The following CSF2RA variants were observed in gnomAD, a reference collection of about 807,000 sequenced individuals.
CSF2RA encodes the protein granulocyte-macrophage colony-stimulating factor receptor subunit alpha.
A neutral mutation model predicts 51.6 loss-of-function variants in CSF2RA; 42 were observed. The ratio of observed to expected loss-of-function variants is 0.81; its 90% CI spans 0.64 to 1.05. The LOEUF is 1.05. Ranked by LOEUF, CSF2RA falls within the 50% of genes least tolerant of loss-of-function variation. CSF2RA has a pLI of 0.00. For synonymous variants in CSF2RA, 222 were observed against 193.0 expected, an observed-to-expected ratio of 1.15 and a Z score of -1.24; for missense variants, 530 against 501.1, an observed-to-expected ratio of 1.06 and a Z score of -0.55.
the CSF2RA span, among the ~76,000 whole-genome samples, chrX:1,324,987 C>G: frequency 5.9e-5 from 9 of 152,002 alleles, no homozygotes; most frequent in Non-Finnish European, 7.4e-5. Context: ...TGTCTGTGCC[C>G]CAAACTGGCC....
At chrX:1,323,536 G>C in the CSF2RA span, among the ~76,000 whole-genome samples, 1 of 152,066 alleles carries the variant, frequency 6.6e-6, no homozygotes, top group Admixed American at 6.6e-5. Flanking sequence ...GCAGCTCTCA[G>C]GTGGTGCTAG....
intron 7 of CSF2RA, among the ~76,000 whole-genome samples, chrX:1,290,851 ACT>A (rs1329775989): frequency 1.3e-5 from 2 of 152,038 alleles, no homozygotes; most frequent in African/African-American, 2.4e-5. Context: ...ACAGAGCAAG[ACT>A]CTGTCTCAAA....
At chrX:1,308,965 T>G (rs28627726) in intron 12 of CSF2RA, among the ~76,000 whole-genome samples, 1 of 152,094 alleles carries the variant, frequency 6.6e-6, no homozygotes, top group African/African-American at 2.4e-5. Context: ...CAGTGGCTCA[T>G]GCCTGTCATC....
At chrX:1,314,449 A>ACCCCAC (rs2084377638), downstream of CSF2RA, among the ~76,000 whole-genome samples, 1 of 146,908 alleles carries the variant, frequency 6.8e-6, no homozygotes, top group Non-Finnish European at 1.5e-5. Flanking sequence ...CACTTGCCCA[A>ACCCCAC]TTGCACTGCA....
chrX:1,296,132 CCT>C (rs1299847278), intron 9 of CSF2RA, among the ~76,000 whole-genome samples: 2 of 151,508 alleles, frequency 1.3e-5, no homozygotes, highest in Admixed American at 1.3e-4. Flanking sequence ...CCTACAGTCC[CCT>C]ACCCATGACC....
At chrX:1,305,971 A>C in intron 12 of CSF2RA, 1 of 603,342 alleles carries the variant, frequency 1.7e-6, no homozygotes, top group Non-Finnish European at 2.9e-6. Flanking sequence ...AATCCCAGTG[A>C]CTCGGGAGGC....
At chrX:1,314,242 CCCACT>C (rs1569514668), downstream of CSF2RA, among the ~76,000 whole-genome samples, 79 of 109,180 alleles carry the variant, frequency 7.2e-4, 4 homozygotes, top group South Asian at 8.5e-3. Flanking sequence ...CCTGCCCAAC[CCCACT>C]GCACCTGCCC....
At chrX:1,325,173 AC>A in the CSF2RA span, among the ~76,000 whole-genome samples, 2 of 150,098 alleles carry the variant, frequency 1.3e-5, no homozygotes, top group South Asian at 4.2e-4. Flanking sequence ...AGCCTGGCCA[AC>A]GTGTTGAAAC....
Position 1,309,791 on chromosome X carries a change from G to C in CSF2RA, c.*312G>C. On this transcript the variant is annotated 3_prime_UTR_variant, in exon 13 of 13. Transcript: ENST00000381529. ...TCATCCCAGCTACTTGGGAGGCTGAGGCAGGAGAATTGCTTGAACCCGTGA... is the reference window on the plus strand; with the variant it reads ...TCATCCCAGCTACTTGGGAGGCTGACGCAGGAGAATTGCTTGAACCCGTGA... 1 of 630,138 alleles carries C rather than the reference G, an allele frequency of 1.6e-6. No homozygotes were observed. The highest frequency in any genetic ancestry group is 2.8e-6 in the Non-Finnish European group (1 of 354,254). The allele number at this position is 630,138 out of a possible 1,614,324, so 39.0% of individuals were successfully genotyped here.
intron 6 of CSF2RA, 81 bp downstream of exon 6, chrX:1,288,969 T>G: frequency 1.9e-6 from 3 of 1,588,890 alleles, no homozygotes; most frequent in Non-Finnish European, 2.6e-6. Context: ...TTTTTTCCTT[T>G]TTCTTTTTTT....
Position 1,283,151 on chromosome X carries a change from CTTCG to C in CSF2RA, c.76+376_76+379del, listed in dbSNP as rs1194485770. On this transcript the variant is annotated intron_variant, in intron 3 of 12. Transcript: ENST00000381529. ...CCTTCCTTCCTTCCTTCCTTCCTTC[CTTCG>C]TTCCTTCCTTCGTTCCTTCCTTCCT... Among the ~76,000 whole-genome samples, 482 of 75,020 alleles carry C rather than the reference CTTCG, an allele frequency of 6.4e-3. 2 individuals carry two copies. Among genetic ancestry groups the C allele is most frequent in the African/African-American group, 0.018 (460 of 25,398 alleles). The allele number at this position is 75,020 out of a possible 152,430, so 49.2% of individuals were successfully genotyped here. A position where few individuals can be genotyped will look rare whatever the true frequency, so the allele number is the denominator to read the frequency against.
At chrX:1,318,883 C>A in the CSF2RA span, among the ~76,000 whole-genome samples, 2 of 147,090 alleles carry the variant, frequency 1.4e-5, no homozygotes, top group Non-Finnish European at 3.0e-5. Context: ...TGCCACTGCA[C>A]TCCAGCCTGG....
intron 9 of CSF2RA, among the ~76,000 whole-genome samples, chrX:1,298,588 TGGTGG>T (rs1221780500): frequency 3.0e-5 from 2 of 66,282 alleles, no homozygotes; most frequent in Admixed American, 1.9e-4. Context: ...CCATGACCTC[TGGTGG>T]AACCCTACAG....
the CSF2RA span, among the ~76,000 whole-genome samples, chrX:1,320,783 T>C: frequency 4.0e-5 from 6 of 151,644 alleles, no homozygotes; most frequent in Admixed American, 4.0e-4. Context: ...AGTGCTGGGA[T>C]TACAGGCATG....
At position 1,309,619 on chromosome X, in the gene CSF2RA, G is replaced by C; in HGVS notation, c.*140G>C. ...ATGACATTTGGGGCCAGGCGCGGTG[G>C]CTCACGCCTGTAATCCCAGCACTTT... On this transcript the variant is annotated 3_prime_UTR_variant, in exon 13 of 13. Transcript: ENST00000381529. 6.2e-7 allele frequency: 1 copy of C among 1,602,294 alleles called. No individual in the cohort carries two copies. Among genetic ancestry groups the C allele is most frequent in the South Asian group, 1.1e-5 (1 of 90,778 alleles).
At chrX:1,285,589 G>A in intron 3 of CSF2RA, 189 bp from the exon 4 acceptor site, 1 of 702,362 alleles carries the variant, frequency 1.4e-6, no homozygotes, top group South Asian at 1.9e-5. Context: ...CAGCTACTCG[G>A]GAGGCTGAGG....
intron 4 of CSF2RA, among the ~76,000 whole-genome samples, chrX:1,286,830 C>T (rs766504357): frequency 8.6e-5 from 13 of 152,038 alleles, no homozygotes; most frequent in South Asian, 2.1e-4. Context: ...GGAAGCAGGA[C>T]GGAGAAAAGT....
rs773627482 is a variant in CSF2RA at position 1,288,803 on chromosome X, A to G, written c.388A>G (p.Asn130Asp). 17 of 1,613,826 alleles carry G rather than the reference A, an allele frequency of 1.1e-5. No individual in the cohort carries two copies. Among genetic ancestry groups the G allele is most frequent in the Middle Eastern group, 1.7e-4 (1 of 6,056 alleles). Residue 130 changes from asparagine (N) to aspartate (D), a missense_variant, in exon 6 of 13, where the codon AAT becomes GAT. Transcript: ENST00000381529. ...TCAGAATTTCTCCTGTTTCATCTAC[A>G]ATGCGGATTTAATGAACTGTACCTG... ...AAQNFSCFIYNADLMNCTWAR... is the reference protein window; with the variant it reads ...AAQNFSCFIYDADLMNCTWAR...
At chrX:1,275,285 G>A (rs1320978171) in intron 2 of CSF2RA, among the ~76,000 whole-genome samples, 12 of 151,724 alleles carry the variant, frequency 7.9e-5, no homozygotes, top group Admixed American at 4.6e-4. Context: ...CAGCTACTCC[G>A]GAGGCCGAGG....
Sources: allele counts gnomAD v4.1 joint callset (sites outside exome capture counted in the v4.1 genomes callset), GRCh38; gene constraint gnomAD v4.1.1; transcripts MANE v1.5; gene names NCBI Gene and HGNC (gene_info 2026-07-23, HGNC 2026-07-21).